DCDC2: variants seen among roughly 807,000 people sequenced by gnomAD.
DCDC2 encodes doublecortin domain containing 2, also known as doublecortin domain-containing protein 2.
A neutral mutation model predicts 50.2 loss-of-function variants in DCDC2; 40 were observed. The ratio of observed to expected loss-of-function variants is 0.80; its 90% CI spans 0.62 to 1.04. The LOEUF is 1.04. DCDC2 is among the 50% of genes least tolerant of loss of function. The pLI, the probability that DCDC2 is intolerant of heterozygous loss-of-function variation, is 0.00. For missense variants in DCDC2, 570 were observed against 581.9 expected (o/e 0.98, Z 0.21); for synonymous variants, 234 against 210.6 (o/e 1.11, Z -0.96).
In DCDC2 at chr6:24,357,719, A is replaced by G. The variant is rs773218143; in HGVS notation, c.32T>C (p.Leu11Pro). The change falls in exon 1 of 10, where the codon CTG (leucine) becomes CCG (proline). Residue 11 changes from leucine to proline, a missense_variant. Leu to Pro is a moderately conservative substitution (Grantham distance 98). Transcript: ENST00000378454. ...CACGCTCTTCACGACGGGCTGAGAC[A>G]GGTGGCTGGACCTGGCGCTGCTGCC... MSGSSARSSH[L>P]SQPVVKSVLV... is the part of the protein sequence containing the mutation. 1.2e-5 allele frequency: 19 copies of G among 1,612,796 alleles called. No homozygotes were observed. The South Asian group carries it at 1.9e-4, about 16-fold the overall frequency.
At chr6:24,359,369 T>G (rs1442900071), upstream of DCDC2, among the ~76,000 whole-genome samples, 14 of 77,082 alleles carry the variant, frequency 1.8e-4, 1 homozygote, top group East Asian at 3.0e-3. Flanking sequence ...ATATTATATA[T>G]TATATATATT....
At chr6:24,178,671 C>T in intron 8 of DCDC2, 39 bp from the exon 9 acceptor site, 1 of 1,553,852 alleles carries the variant, frequency 6.4e-7, no homozygotes, top group Non-Finnish European at 8.7e-7. Context: ...AAGTAAGAAG[C>T]ATAACAGAAC....
intron 8 of DCDC2, among the ~76,000 whole-genome samples, chr6:24,197,807 G>C (rs1050850901): frequency 6.6e-6 from 1 of 152,178 alleles, no homozygotes; most frequent in African/African-American, 2.4e-5. Flanking sequence ...ATAGTAGTCA[G>C]AGGACAAGTG....
chr6:24,203,816 A>C (rs1761643456), intron 8 of DCDC2, among the ~76,000 whole-genome samples: 1 of 152,180 alleles, frequency 6.6e-6, no homozygotes, highest in Admixed American at 6.5e-5. Context: ...ACCCATCAAA[A>C]AGTGGGCAAA....
At chr6:24,296,265 G>A (rs1237891656) in intron 4 of DCDC2, among the ~76,000 whole-genome samples, 1 of 152,172 alleles carries the variant, frequency 6.6e-6, no homozygotes, top group African/African-American at 2.4e-5. Context: ...GGGATAACTG[G>A]CTAGCCAGAT....
chr6:24,330,220 T>C (rs1431100410), intron 2 of DCDC2, among the ~76,000 whole-genome samples: 1 of 152,216 alleles, frequency 6.6e-6, no homozygotes, highest in Non-Finnish European at 1.5e-5. Flanking sequence ...ACTTTCATTA[T>C]GAGCACTCAG....
intron 7 of DCDC2, among the ~76,000 whole-genome samples, chr6:24,261,198 T>C (rs1763000454): frequency 8.2e-6 from 1 of 122,480 alleles, no homozygotes; most frequent in African/African-American, 2.8e-5. Flanking sequence ...TAAATCCATT[T>C]TCTTGCTTTT....
At chr6:24,327,283 C>T (rs1561776208) in intron 2 of DCDC2, among the ~76,000 whole-genome samples, 1 of 149,216 alleles carries the variant, frequency 6.7e-6, no homozygotes, top group Non-Finnish European at 1.5e-5. Context: ...CTTACATAAG[C>T]ATTTTGTTTT....
intron 8 of DCDC2, among the ~76,000 whole-genome samples, chr6:24,182,666 A>G (rs1180991269): frequency 6.7e-6 from 1 of 149,892 alleles, no homozygotes; most frequent in African/African-American, 2.4e-5. Context: ...AAGCGTTGAC[A>G]AGGATGTGGA....
intron 2 of DCDC2, among the ~76,000 whole-genome samples, chr6:24,340,234 A>G (rs933809616): frequency 4.6e-5 from 7 of 152,150 alleles, no homozygotes; most frequent in Admixed American, 4.6e-4. Context: ...CAATGTATAC[A>G]TCATTCCTTC....
chr6:24,234,960 C>T (rs1180513860), intron 7 of DCDC2, among the ~76,000 whole-genome samples: 1 of 152,066 alleles, frequency 6.6e-6, no homozygotes, highest in Admixed American at 6.6e-5. Context: ...ATAACAAAAT[C>T]AAGGCCCAAA....
chr6:24,325,271 T>C lies in DCDC2; in HGVS notation c.349-23227A>G, dbSNP rs140975609. Among the ~76,000 whole-genome samples, 61 of 149,778 alleles carry C rather than the reference T, an allele frequency of 4.1e-4. 2 individuals carry two copies. The highest frequency in any genetic ancestry group is 1.4e-3 in the African/African-American group (59 of 41,470). On this transcript the variant is annotated intron_variant, in intron 2 of 9. Coordinates refer to ENST00000378454, the MANE Select transcript of DCDC2 (RefSeq NM_016356.5). ...TGCCATCTTTATTCTGTGATCCGTT[T>C]TTATGTTACAGCAAATAAGCAAATT...
chr6:24,224,123 G>A (rs1333122535), intron 7 of DCDC2, among the ~76,000 whole-genome samples: 1 of 152,128 alleles, frequency 6.6e-6, no homozygotes, highest in Non-Finnish European at 1.5e-5. Context: ...CAGAGGTGGT[G>A]TAAAACTGGC....
At chr6:24,259,549 T>C (rs1762966050) in intron 7 of DCDC2, among the ~76,000 whole-genome samples, 1 of 152,164 alleles carries the variant, frequency 6.6e-6, no homozygotes, top group Admixed American at 6.5e-5. Context: ...AAGAAGCAAA[T>C]TTCTGAACAA....
intron 7 of DCDC2, among the ~76,000 whole-genome samples, chr6:24,272,998 G>A (rs996641098): frequency 8.4e-5 from 12 of 142,938 alleles, no homozygotes; most frequent in Non-Finnish European, 1.8e-4. Context: ...GAAAATGTGT[G>A]TATAAAGACA....
At chr6:24,380,836 G>A in the DCDC2 span, among the ~76,000 whole-genome samples, 1 of 152,158 alleles carries the variant, frequency 6.6e-6, no homozygotes, top group Non-Finnish European at 1.5e-5. Context: ...GCTCATACCT[G>A]TAATCCCAGA....
chr6:24,256,464 T>C (rs1762900050), intron 7 of DCDC2, among the ~76,000 whole-genome samples: 5 of 152,130 alleles, frequency 3.3e-5, no homozygotes, highest in Admixed American at 1.3e-4. Flanking sequence ...GTAGTCAAGT[T>C]AAAAAGCTTA....
At chr6:24,323,508 C>G (rs556151394) in intron 2 of DCDC2, among the ~76,000 whole-genome samples, 101 of 152,046 alleles carry the variant, frequency 6.6e-4, no homozygotes, top group Non-Finnish European at 1.2e-3. Flanking sequence ...AACAAAGGAA[C>G]TGGGTGAAGT....
intron 7 of DCDC2, among the ~76,000 whole-genome samples, chr6:24,220,862 C>CAGCA: frequency 1.9e-4 from 1 of 5,306 alleles, no homozygotes; most frequent in East Asian, 5.6e-3. Flanking sequence ...AGGAGAGAGA[C>CAGCA]AGAGAGCAAG....
Sources: gnomAD v4.1 joint callset for allele counts (sites outside exome capture counted in the v4.1 genomes callset) on GRCh38, gnomAD v4.1.1 for gene constraint, MANE v1.5 for transcripts, NCBI Gene and HGNC (gene_info 2026-07-23, HGNC 2026-07-21) for gene names.